Variants in MMP15 observed in about 807,000 individuals in gnomAD.
MMP15 encodes the protein matrix metalloproteinase-15.
A neutral mutation model predicts 65.0 loss-of-function variants in MMP15; 36 were observed. The ratio of observed to expected loss-of-function variants is 0.55; its 90% confidence interval spans 0.42 to 0.73. The LOEUF (loss-of-function observed/expected upper bound fraction) is 0.73. Ranked by LOEUF, MMP15 falls within the 30% of genes least tolerant of loss-of-function variation. MMP15 has a pLI of 0.00. For missense variants in MMP15, 870 were observed against 987.8 expected (o/e 0.88, Z 1.60); for synonymous variants, 428 against 410.2 (o/e 1.04, Z -0.52).
At position 58,040,011 on chromosome 16, in the gene MMP15, A is replaced by G. The variant is rs139344353; in HGVS notation, c.577A>G (p.Lys193Glu). Residue 193 changes from lysine to glutamate, a missense_variant, in exon 4 of 10, where the codon AAG becomes GAG. By Grantham distance (56) the Lys-to-Glu change is moderately conservative (BLOSUM62 1). Transcript: ENST00000219271. ...PYEDIRLRRQ[K>E]EADIMVLFAS... Reference sequence around the variant, plus strand: ...TGAGGACATCCGGCTGCGGCGACAGAAGGAGGCCGACATCATGGTACTCTT... The same window carrying G: ...TGAGGACATCCGGCTGCGGCGACAGGAGGAGGCCGACATCATGGTACTCTT... 6.8e-5 allele frequency: 110 copies of G among 1,614,098 alleles called. No homozygotes were observed. The African/African-American group carries it at 1.3e-3, about 19-fold the overall frequency.
Position 58,041,864 on chromosome 16 carries a change from G to T in MMP15, c.1158G>T (p.Val386=). ...CCATGCTTCGCGGGGAGATGTTCGTGTTCAAGGTCTGGCCCCGCCTCCCAT... is the reference window on the plus strand; with the variant it reads ...CCATGCTTCGCGGGGAGATGTTCGTTTTCAAGGTCTGGCCCCGCCTCCCAT... The part of the protein sequence containing the change: ...TVAMLRGEMF[V]FKGRWFWRVR... The change falls in exon 6 of 10, where the codon GTG becomes GTT. Residue 386 remains valine (V), a synonymous_variant. Coordinates refer to ENST00000219271, the MANE Select transcript of MMP15 (RefSeq NM_002428.4). 2 of 1,588,046 alleles carry T rather than the reference G, an allele frequency of 1.3e-6. No individual in the cohort carries two copies. Among genetic ancestry groups the T allele is most frequent in the Non-Finnish European group, 1.7e-6 (2 of 1,167,694 alleles).
At chr16:58,033,695 T>G (rs3784906) in intron 1 of MMP15, among the ~76,000 whole-genome samples, 3,294 of 152,280 alleles carry the variant, frequency 0.022, 103 homozygotes, top group African/African-American at 0.066. Flanking sequence ...CTGAGGTCAG[T>G]AGTTCGAGAC....
chr16:58,034,792 A>G (rs541982060), intron 1 of MMP15, among the ~76,000 whole-genome samples: 28 of 152,250 alleles, frequency 1.8e-4, no homozygotes, highest in Admixed American at 9.2e-4. Flanking sequence ...TGGAGGGTCC[A>G]TAGTGCCCTT....
At chr16:58,030,442 C>T (rs1963877862) in intron 1 of MMP15, among the ~76,000 whole-genome samples, 2 of 152,206 alleles carry the variant, frequency 1.3e-5, no homozygotes, top group Non-Finnish European at 2.9e-5. Flanking sequence ...GATGCCTCTT[C>T]CCTAATCCCA....
At position 58,038,420 on chromosome 16, in the gene MMP15, G is replaced by C. The variant is rs752086073; in HGVS notation, c.440+26G>C. ...GTAGGGGGCTCAGCTGCCCAGGGAA[G>C]CATCTGCCCCTCGGCAGGCCGAGCC... On this transcript the variant is annotated intron_variant, in intron 3 of 9. Coordinates refer to ENST00000219271, the MANE Select transcript of MMP15 (RefSeq NM_002428.4). 2.7e-5 allele frequency: 43 copies of C among 1,612,624 alleles called. No individual in the cohort carries two copies. In the African/African-American group the frequency reaches 4.0e-4, roughly 15 times the overall value.
At chr16:58,040,975 C>T (rs1294407144) in intron 5 of MMP15, 1 of 533,498 alleles carries the variant, frequency 1.9e-6, no homozygotes, top group African/African-American at 1.9e-5. Context: ...CCTCCTCACC[C>T]TTGGCAGTAT....
intron 1 of MMP15, among the ~76,000 whole-genome samples, chr16:58,027,104 T>C (rs1963831987): frequency 1.3e-5 from 2 of 152,220 alleles, no homozygotes; most frequent in South Asian, 2.1e-4. Flanking sequence ...TTGGCGACTT[T>C]CTGCGCTTTT....
intron 1 of MMP15, among the ~76,000 whole-genome samples, chr16:58,034,557 G>C (rs988218802): frequency 1.3e-5 from 2 of 152,132 alleles, no homozygotes; most frequent in Non-Finnish European, 1.5e-5. Flanking sequence ...CACTTTCACC[G>C]GTCAGGCACG....
In MMP15 at chr16:58,026,309, A is replaced by C. The variant is rs1473003677; in HGVS notation, c.-42A>C. 1.6e-6 allele frequency: 2 copies of C among 1,251,428 alleles called. No individual in the cohort carries two copies. The highest frequency in any genetic ancestry group is 1.0e-6 in the Non-Finnish European group (1 of 997,882). 77.5% of individuals were successfully genotyped at this position (1,251,428 alleles called of 1,614,324 possible). On this transcript the variant is annotated 5_prime_UTR_variant, in exon 1 of 10. Transcript: ENST00000219271. ...GCAAGTTTCCAAGGCGCGTGCGAGGATCCGGCGTGCAGTGTTCCGAGCTGG... is the reference window on the plus strand; with the variant it reads ...GCAAGTTTCCAAGGCGCGTGCGAGGCTCCGGCGTGCAGTGTTCCGAGCTGG...
At chr16:58,028,332 C>T (rs1165283741) in intron 1 of MMP15, among the ~76,000 whole-genome samples, 1 of 152,180 alleles carries the variant, frequency 6.6e-6, no homozygotes, top group Admixed American at 6.5e-5. Flanking sequence ...TGGGGAAACA[C>T]TTGGGTTGGA....
chr16:58,044,882 A>G, intron 9 of MMP15, 125 bp from the exon 10 acceptor site: 1 of 1,112,874 alleles, frequency 9.0e-7, no homozygotes, highest in Non-Finnish European at 1.3e-6. Context: ...GGCAGATTTG[A>G]AAATACTCAG....
At chr16:58,042,434 C>G in intron 7 of MMP15, 65 bp downstream of exon 7, 1 of 1,582,298 alleles carries the variant, frequency 6.3e-7, no homozygotes, top group Non-Finnish European at 8.6e-7. Context: ...CCTGCTGGAT[C>G]TGAGAGAAGA....
In MMP15 at chr16:58,040,020, G is replaced by A. The variant is rs772185816; in HGVS notation, c.586G>A (p.Asp196Asn). The A allele has an allele frequency of 1.4e-5, 22 of 1,614,022 alleles. No individual in the cohort carries two copies. The highest frequency in any genetic ancestry group is 5.5e-5 in the South Asian group (5 of 91,092). ...CCGGCTGCGGCGACAGAAGGAGGCC[G>A]ACATCATGGTACTCTTTGCCTCTGG... ...DIRLRRQKEA[D>N]IMVLFASGFH... The change falls in exon 4 of 10, where the codon GAC (aspartate) becomes AAC (asparagine). Residue 196 changes from aspartate (D) to asparagine (N), a missense_variant. Asp to Asn is a conservative substitution (Grantham distance 23, BLOSUM62 1). Transcript: ENST00000219271.
At position 58,043,619 on chromosome 16, in the gene MMP15, A is replaced by G. The variant is rs1959499138; in HGVS notation, c.1562A>G (p.Asn521Ser). 2 of 1,609,936 alleles carry G rather than the reference A, an allele frequency of 1.2e-6. No individual in the cohort carries two copies. The highest frequency in any genetic ancestry group is 1.7e-6 in the Non-Finnish European group (2 of 1,178,346). The change falls in exon 9 of 10, where the codon AAT becomes AGT. Residue 521 changes from asparagine (N) to serine (S), a missense_variant. Physicochemically the swap from Asn to Ser is conservative, Grantham distance 46. Transcript: ENST00000219271. ...TCCCCTAAAGGGGCCTTCCTGAGCA[A>G]TGACGCAGGTACCTGGCCAGCCCCT... is the stretch of plus-strand genomic sequence containing the variant. Reference protein sequence around the residue: ...PASPKGAFLSNDAAYTYFYKG... With the variant: ...PASPKGAFLSSDAAYTYFYKG...
rs1959413293 is a variant in MMP15, at chr16:58,039,911, C to G, written c.477C>G (p.His159Gln). The G allele has an allele frequency of 6.2e-7, 1 of 1,609,386 alleles. No homozygotes were observed. Among genetic ancestry groups the G allele is most frequent in the Non-Finnish European group, 8.5e-7 (1 of 1,176,626 alleles). ...ACACGGAGAAGTTGGGCTGGTACCA[C>G]TCGATGGAGGCGGTGCGCAGGGCCT... is the stretch of plus-strand genomic sequence containing the variant. ...QNYTEKLGWYHSMEAVRRAFR... is the reference protein window; with the variant it reads ...QNYTEKLGWYQSMEAVRRAFR... The change falls in exon 4 of 10, where the codon CAC becomes CAG. Residue 159 changes from histidine (H) to glutamine (Q), a missense_variant. By Grantham distance (24) the His-to-Gln change is conservative. Transcript: ENST00000219271.
chr16:58,027,046 G>C (rs1410272043), intron 1 of MMP15, among the ~76,000 whole-genome samples: 1 of 152,252 alleles, frequency 6.6e-6, no homozygotes, highest in Non-Finnish European at 1.5e-5. Flanking sequence ...GGAGGCGGGG[G>C]GATGGGTGCA....
chr16:58,041,538 G>A (rs1959453400), intron 5 of MMP15, 79 bp from the exon 6 acceptor site: 2 of 1,480,370 alleles, frequency 1.4e-6, no homozygotes, highest in South Asian at 1.2e-5. Flanking sequence ...CGCGTGGGTG[G>A]GCCTGTGCTG....
At chr16:58,040,904 C>T (rs773995889) in intron 5 of MMP15, 7 of 729,016 alleles carry the variant, frequency 9.6e-6, no homozygotes, top group African/African-American at 8.7e-5. Context: ...GGGCCTCACT[C>T]GAGGCTGTGG....
chr16:58,038,307 G>A lies in MMP15; in HGVS notation c.353G>A (p.Gly118Glu), dbSNP rs779526991. ...RPRCGVPDQF[G>E]VRVKANLRRR... is the part of the protein sequence containing the mutation. ...CGCTGTGGGGTGCCAGACCAGTTCG[G>A]GGTACGAGTGAAAGCCAACCTGCGG... The change falls in exon 3 of 10, where the codon GGG becomes GAG. Residue 118 changes from glycine (G) to glutamate (E), a missense_variant. Transcript: ENST00000219271. The A allele has an allele frequency of 6.2e-7, 1 of 1,614,032 alleles. No individual in the cohort carries two copies. The highest frequency in any genetic ancestry group is 1.1e-5 in the South Asian group (1 of 91,080).
Sources: allele counts gnomAD v4.1 joint callset (sites outside exome capture counted in the v4.1 genomes callset), GRCh38; gene constraint gnomAD v4.1.1; transcripts MANE v1.5; gene names NCBI Gene and HGNC (gene_info 2026-07-23, HGNC 2026-07-21).